Variants in FLACC1 observed in about 807,000 individuals in gnomAD.
FLACC1 encodes the protein flagellum-associated coiled-coil domain-containing protein 1.
FLACC1 carries 66 observed loss-of-function variants against 62.8 expected under a neutral mutation model. The observed-to-expected ratio is 1.05, with a 90% CI of 0.86 to 1.29. The LOEUF (loss-of-function observed/expected upper bound fraction) is 1.29. Among genes scored for constraint, FLACC1 ranks in the 50% most tolerant of loss-of-function variants. The pLI, the probability that FLACC1 is intolerant of heterozygous loss-of-function variation, is 0.00. For missense variants in FLACC1, 452 were observed against 489.1 expected (o/e 0.92, Z 0.71); for synonymous variants, 156 against 161.0 (o/e 0.97, Z 0.24).
chr2:201,308,747 T>C (rs765875040), intron 10 of FLACC1, among the ~76,000 whole-genome samples: 38 of 152,328 alleles, frequency 2.5e-4, no homozygotes, highest in Non-Finnish European at 3.2e-4. Flanking sequence ...GTATAATGGA[T>C]TGTGTTGTTC....
At chr2:201,293,373 C>T (rs1287650096) in intron 12 of FLACC1, among the ~76,000 whole-genome samples, 1 of 152,340 alleles carries the variant, frequency 6.6e-6, no homozygotes, top group South Asian at 2.1e-4. Flanking sequence ...GAAACTCACT[C>T]AAAACCACAC....
Position 201,351,469 on chromosome 2 carries a change from C to T in FLACC1, c.-47-18G>A. The T allele has an allele frequency of 4.9e-6, 6 of 1,233,518 alleles. No homozygotes were observed. The South Asian group carries it at 4.9e-5, about 10-fold the overall frequency. 76.4% of individuals were successfully genotyped at this position (1,233,518 alleles called of 1,614,324 possible). ...GGCTCTTGCTGAAATTGAAAAACAACAGCAGAAGGTTAAACCATTTAGAAT... is the reference window on the plus strand; with the variant it reads ...GGCTCTTGCTGAAATTGAAAAACAATAGCAGAAGGTTAAACCATTTAGAAT... On this transcript the variant is annotated intron_variant, in intron 1 of 14. Coordinates refer to ENST00000392257, the MANE Select transcript of FLACC1 (RefSeq NM_001127391.3).
chr2:201,341,173 G>A (rs988454942), intron 7 of FLACC1, among the ~76,000 whole-genome samples: 6 of 152,006 alleles, frequency 3.9e-5, no homozygotes, highest in African/African-American at 9.7e-5. Context: ...ACCTAAAACT[G>A]CTCTAACAGA....
intron 7 of FLACC1, among the ~76,000 whole-genome samples, chr2:201,340,377 T>C (rs1261026587): frequency 6.6e-6 from 1 of 152,196 alleles, no homozygotes; most frequent in East Asian, 1.9e-4. Flanking sequence ...ATCATTTCTA[T>C]TTTTGTGTTG....
intron 11 of FLACC1, among the ~76,000 whole-genome samples, chr2:201,303,489 T>C (rs963626150): frequency 1.3e-5 from 2 of 152,202 alleles, no homozygotes; most frequent in Non-Finnish European, 2.9e-5. Context: ...ACAGCCGAAT[T>C]CTACCAGAGG....
intron 7 of FLACC1, among the ~76,000 whole-genome samples, chr2:201,332,285 G>T (rs1256458551): frequency 1.3e-5 from 2 of 150,678 alleles, no homozygotes; most frequent in African/African-American, 4.9e-5. Context: ...CTCTGGCTCT[G>T]TCCCCCAGGC....
intron 9 of FLACC1, among the ~76,000 whole-genome samples, chr2:201,314,063 A>G (rs1255990396): frequency 2.0e-5 from 3 of 152,208 alleles, no homozygotes; most frequent in African/African-American, 7.2e-5. Context: ...AATCTGAACA[A>G]CAGCCTTGAG....
intron 9 of FLACC1, among the ~76,000 whole-genome samples, chr2:201,325,119 G>A (rs1950478767): frequency 1.3e-5 from 2 of 152,124 alleles, no homozygotes; most frequent in Non-Finnish European, 2.9e-5. Flanking sequence ...GGTTGACAGA[G>A]TGAGACTGTC....
chr2:201,350,596 G>A (rs371583875), intron 3 of FLACC1, 115 bp downstream of exon 3: 13 of 837,082 alleles, frequency 1.6e-5, no homozygotes, highest in East Asian at 5.4e-5. Flanking sequence ...CAGGAGAATC[G>A]CTTGAGACTG....
chr2:201,327,814 T>C (rs894643968), intron 9 of FLACC1, among the ~76,000 whole-genome samples: 5 of 152,202 alleles, frequency 3.3e-5, no homozygotes, highest in Non-Finnish European at 7.3e-5. Flanking sequence ...ACTTGATCTC[T>C]ACCGAAAGGA....
At chr2:201,350,622 A>G in intron 3 of FLACC1, 89 bp downstream of exon 3, 1 of 1,131,314 alleles carries the variant, frequency 8.8e-7, no homozygotes, top group Non-Finnish European at 1.3e-6. Context: ...CAGAGGTTGC[A>G]GTGAGCCAAG....
intron 7 of FLACC1, among the ~76,000 whole-genome samples, chr2:201,341,546 T>G (rs1421554178): frequency 6.6e-6 from 1 of 150,948 alleles, no homozygotes; most frequent in Non-Finnish European, 1.5e-5. Context: ...TATATATATA[T>G]ATACACAAAT....
At chr2:201,324,688 A>C (rs575414027) in intron 9 of FLACC1, among the ~76,000 whole-genome samples, 1 of 152,340 alleles carries the variant, frequency 6.6e-6, no homozygotes, top group South Asian at 2.1e-4. Flanking sequence ...TAAAACTAAA[A>C]ATCAATTTCA....
At chr2:201,324,080 A>G (rs6705702) in intron 9 of FLACC1, among the ~76,000 whole-genome samples, 14,395 of 152,148 alleles carry the variant, frequency 0.095, 1,058 homozygotes, top group South Asian at 0.26. Flanking sequence ...GATAACAAAA[A>G]TCACAATCCA....
intron 10 of FLACC1, among the ~76,000 whole-genome samples, chr2:201,308,283 G>C (rs945898112): frequency 6.6e-6 from 1 of 152,128 alleles, no homozygotes; most frequent in African/African-American, 2.4e-5. Flanking sequence ...TAGAATCTGG[G>C]ATATGACTTG....
chr2:201,330,860 A>G (rs901071002), intron 7 of FLACC1, 27 bp from the exon 8 acceptor site: 5 of 1,593,656 alleles, frequency 3.1e-6, no homozygotes, highest in Non-Finnish European at 4.3e-6. Context: ...GAAGGCCACA[A>G]TCATTAGTAA....
chr2:201,355,374 T>C (rs534120956), intron 1 of FLACC1, among the ~76,000 whole-genome samples: 46 of 152,318 alleles, frequency 3.0e-4, no homozygotes, highest in African/African-American at 1.1e-3. Flanking sequence ...GTCATTACCA[T>C]ATTATAAATA....
At chr2:201,321,762 T>C (rs980941338) in intron 9 of FLACC1, among the ~76,000 whole-genome samples, 1 of 152,174 alleles carries the variant, frequency 6.6e-6, no homozygotes, top group Non-Finnish European at 1.5e-5. Context: ...ATAACTTTCC[T>C]GCTAACCTGG....
chr2:201,323,883 G>A (rs536801790), intron 9 of FLACC1, among the ~76,000 whole-genome samples: 26 of 149,382 alleles, frequency 1.7e-4, no homozygotes, highest in African/African-American at 5.7e-4. Flanking sequence ...AGCCAAATAC[G>A]CACCAAAATA....
Sources: allele counts gnomAD v4.1 joint callset (sites outside exome capture counted in the v4.1 genomes callset), GRCh38; gene constraint gnomAD v4.1.1; transcripts MANE v1.5; gene names NCBI Gene and HGNC (gene_info 2026-07-23, HGNC 2026-07-21).